The following MYO3B variants were observed in gnomAD, a reference collection of about 807,000 sequenced individuals.
MYO3B encodes myosin-IIIb.
In MYO3B, 156 loss-of-function variants were observed where a neutral mutation model predicts 174.6. That is an observed-to-expected ratio of 0.89 (90% CI 0.78 to 1.02). The LOEUF is 1.02. MYO3B is among the 50% of genes least tolerant of loss of function. The probability of loss-of-function intolerance (pLI) is 0.00; values close to 1 mark genes in which losing one functional copy is unlikely to be tolerated. For synonymous variants in MYO3B, 563 were observed against 569.1 expected, an observed-to-expected ratio of 0.99 and a Z score of 0.15; for missense variants, 1,632 against 1,639.4, an observed-to-expected ratio of 1.00 and a Z score of 0.08.
chr2:170,487,334 T>C (rs1686132116), intron 25 of MYO3B, among the ~76,000 whole-genome samples: 1 of 152,238 alleles, frequency 6.6e-6, no homozygotes, highest in African/African-American at 2.4e-5. Context: ...GTCCTTCATA[T>C]TTCTGTTTAT....
At chr2:170,588,312 AC>A (rs1693617508) in intron 32 of MYO3B, among the ~76,000 whole-genome samples, 1 of 152,072 alleles carries the variant, frequency 6.6e-6, no homozygotes, top group Non-Finnish European at 1.5e-5. Flanking sequence ...AGTGGCACAT[AC>A]CTGTAGTCCT....
At chr2:170,600,730 C>G (rs1694456797) in intron 32 of MYO3B, among the ~76,000 whole-genome samples, 1 of 152,126 alleles carries the variant, frequency 6.6e-6, no homozygotes, top group Admixed American at 6.5e-5. Flanking sequence ...GTGATACATT[C>G]TCAGGTCTTC....
intron 6 of MYO3B, among the ~76,000 whole-genome samples, chr2:170,230,727 A>G (rs545633668): frequency 6.6e-6 from 1 of 152,316 alleles, no homozygotes; most frequent in South Asian, 2.1e-4. Flanking sequence ...GTAAGTAGAT[A>G]AAATAATTAT....
intron 22 of MYO3B, among the ~76,000 whole-genome samples, chr2:170,441,114 G>A (rs1267957607): frequency 6.6e-6 from 1 of 152,076 alleles, no homozygotes; most frequent in Admixed American, 6.5e-5. Flanking sequence ...TGTTGGTTTT[G>A]TATCAGCAAT....
chr2:170,351,024 G>A (rs2094062901), intron 8 of MYO3B: 1 of 152,154 alleles, frequency 6.6e-6, no homozygotes, highest in African/African-American at 2.4e-5. Context: ...AAGAAAAAAG[G>A]GAGGAAGGAA....
At chr2:170,530,241 A>G (rs149212142) in intron 30 of MYO3B, among the ~76,000 whole-genome samples, 245 of 152,326 alleles carry the variant, frequency 1.6e-3, no homozygotes, top group African/African-American at 5.3e-3. Flanking sequence ...ACAGAGCTCT[A>G]GCGACTGCTG....
intron 3 of MYO3B, among the ~76,000 whole-genome samples, chr2:170,210,442 G>A (rs1008116012): frequency 6.6e-6 from 1 of 152,098 alleles, no homozygotes; most frequent in African/African-American, 2.4e-5. Flanking sequence ...ATTTCCAGTA[G>A]TTTCAATTAC....
intron 7 of MYO3B, among the ~76,000 whole-genome samples, chr2:170,314,756 A>T (rs754592125): frequency 6.1e-4 from 93 of 152,348 alleles, no homozygotes; most frequent in Non-Finnish European, 1.0e-3. Context: ...GTTGGCAGAG[A>T]TGGAAAGTCC....
chr2:170,273,359 T>A (rs1307627595), intron 7 of MYO3B, among the ~76,000 whole-genome samples: 3 of 152,030 alleles, frequency 2.0e-5, no homozygotes, highest in Non-Finnish European at 2.9e-5. Flanking sequence ...CTGTATATTA[T>A]CCCAATAAGT....
rs543114239 is a variant in MYO3B at position 170,423,387 on chromosome 2, A to G, written c.2650+15543A>G. On this transcript the variant is annotated intron_variant, in intron 22 of 34. Transcript: ENST00000408978. ...AAGTGCCTCATTCCTGCTCTCAAAG[A>G]GAAATGCAGAAATGCCAAGGAGCCC... 5.9e-5 allele frequency among the ~76,000 whole-genome samples: 9 copies of G among 152,258 alleles called. No homozygotes were observed. In the East Asian group the frequency reaches 1.7e-3, roughly 29 times the overall value.
At chr2:170,303,227 A>ATC (rs1478510248) in intron 7 of MYO3B, among the ~76,000 whole-genome samples, 1 of 152,172 alleles carries the variant, frequency 6.6e-6, no homozygotes, top group Non-Finnish European at 1.5e-5. Context: ...ATGTCTATGT[A>ATC]TCTACATCTT....
At chr2:170,257,650 TA>T in intron 7 of MYO3B, among the ~76,000 whole-genome samples, 2 of 152,094 alleles carry the variant, frequency 1.3e-5, no homozygotes, top group Middle Eastern at 6.8e-3. Context: ...AATCTCGAAT[TA>T]ACAATCTAAC....
chr2:170,517,797 A>G (rs1231559392), intron 29 of MYO3B, among the ~76,000 whole-genome samples: 2 of 152,024 alleles, frequency 1.3e-5, no homozygotes, highest in African/African-American at 2.4e-5. Flanking sequence ...TGGGCCAAAC[A>G]GTGATTTAGA....
At chr2:170,472,934 C>T (rs1056991431) in intron 25 of MYO3B, among the ~76,000 whole-genome samples, 3 of 151,708 alleles carry the variant, frequency 2.0e-5, no homozygotes, top group Non-Finnish European at 2.9e-5. Context: ...CTCCTGAGCT[C>T]GAGCAATCTG....
intron 7 of MYO3B, among the ~76,000 whole-genome samples, chr2:170,273,522 G>A (rs925920): frequency 0.86 from 130,841 of 152,154 alleles, 57,030 homozygotes; most frequent in East Asian, 0.96. Flanking sequence ...CTCTCCAGCC[G>A]TATCAAATTA....
chr2:170,382,314 G>A (rs2094341915), intron 10 of MYO3B: 1 of 422,020 alleles, frequency 2.4e-6, no homozygotes, highest in Non-Finnish European at 4.3e-6. Flanking sequence ...CTAGAATGAT[G>A]AAGAGAAAAG....
At chr2:170,467,438 ATGC>A (rs1224840849) in intron 25 of MYO3B, among the ~76,000 whole-genome samples, 6 of 152,102 alleles carry the variant, frequency 3.9e-5, no homozygotes, top group Non-Finnish European at 1.5e-5. Context: ...TAAGAATGAA[ATGC>A]TGCTCTTTTC....
chr2:170,503,419 A>G (rs1209108388), intron 28 of MYO3B, among the ~76,000 whole-genome samples: 1 of 151,276 alleles, frequency 6.6e-6, no homozygotes, highest in Non-Finnish European at 1.5e-5. Context: ...AATGTTGCTC[A>G]GCGAAACTTT....
intron 32 of MYO3B, among the ~76,000 whole-genome samples, chr2:170,617,961 A>G (rs998445312): frequency 2.6e-5 from 4 of 152,196 alleles, no homozygotes; most frequent in Non-Finnish European, 4.4e-5. Flanking sequence ...GTGTGAATAT[A>G]ATCAGTGATT....
Sources: allele counts gnomAD v4.1 joint callset (sites outside exome capture counted in the v4.1 genomes callset), GRCh38; gene constraint gnomAD v4.1.1; transcripts MANE v1.5; gene names NCBI Gene and HGNC (gene_info 2026-07-23, HGNC 2026-07-21).